PPP2R2B: variants seen among roughly 807,000 people sequenced by gnomAD.
PPP2R2B encodes protein phosphatase 2 regulatory subunit Bbeta.
In PPP2R2B, 5 loss-of-function variants were observed where a neutral mutation model predicts 46.0. The ratio of observed to expected loss-of-function variants is 0.11; its 90% CI spans 0.06 to 0.23. The LOEUF is 0.23. Ranked by LOEUF, PPP2R2B falls within the 10% of genes least tolerant of loss-of-function variation. The probability of loss-of-function intolerance (pLI) is 1.00; values close to 1 mark genes in which losing one functional copy is unlikely to be tolerated. For synonymous variants in PPP2R2B, 215 were observed against 206.7 expected (o/e 1.04, Z -0.34); for missense variants, 367 against 575.0 (o/e 0.64, Z 3.70).
At chr5:146,632,100 C>T (rs1486809222) in intron 7 of PPP2R2B, among the ~76,000 whole-genome samples, 2 of 129,870 alleles carry the variant, frequency 1.5e-5, no homozygotes, top group Non-Finnish European at 3.2e-5. Flanking sequence ...AGTCCTAACT[C>T]CCAGTACTGC....
chr5:147,041,801 C>T (rs1193229380), intron 1 of PPP2R2B, among the ~76,000 whole-genome samples: 1 of 152,000 alleles, frequency 6.6e-6, no homozygotes, highest in Non-Finnish European at 1.5e-5. Flanking sequence ...TGTCTAACAC[C>T]TCAGTGACAA....
intron 2 of PPP2R2B, among the ~76,000 whole-genome samples, chr5:146,772,983 A>G (rs1408493006): frequency 6.6e-6 from 1 of 152,246 alleles, no homozygotes; most frequent in East Asian, 1.9e-4. Flanking sequence ...GATGTCAAAT[A>G]GCACTCAATA....
intron 2 of PPP2R2B, among the ~76,000 whole-genome samples, chr5:146,732,013 T>A (rs1223808804): frequency 6.6e-6 from 1 of 152,184 alleles, no homozygotes; most frequent in Non-Finnish European, 1.5e-5. Context: ...TTTTCCCGTT[T>A]ACGGTTTAAA....
chr5:146,879,158 G>T, upstream of PPP2R2B: 1 of 155,794 alleles, frequency 6.4e-6, no homozygotes, highest in Non-Finnish European at 1.4e-5. Flanking sequence ...TGGTCCCTTG[G>T]TGAATTTAAA....
chr5:146,795,690 A>G (rs1267502174), intron 2 of PPP2R2B, among the ~76,000 whole-genome samples: 1 of 152,124 alleles, frequency 6.6e-6, no homozygotes, highest in Admixed American at 6.5e-5. Flanking sequence ...CACAAAACAT[A>G]AGCATGTGAG....
At chr5:146,996,921 T>G (rs1347513692) in intron 1 of PPP2R2B, among the ~76,000 whole-genome samples, 1 of 152,174 alleles carries the variant, frequency 6.6e-6, no homozygotes, top group Non-Finnish European at 1.5e-5. Flanking sequence ...CCTGCCCTAC[T>G]TGGTCAATGC....
At chr5:146,945,253 A>G (rs1764444348) in intron 1 of PPP2R2B, among the ~76,000 whole-genome samples, 1 of 152,242 alleles carries the variant, frequency 6.6e-6, no homozygotes, top group Non-Finnish European at 1.5e-5. Flanking sequence ...TATGTTCTTC[A>G]GGTTCCTTCC....
chr5:147,071,193 G>A (rs900064097), intron 2 of PPP2R2B, among the ~76,000 whole-genome samples: 1 of 152,120 alleles, frequency 6.6e-6, no homozygotes, highest in African/African-American at 2.4e-5. Flanking sequence ...ACATTCCAAG[G>A]ACAGCAAGGC....
intron 2 of PPP2R2B, among the ~76,000 whole-genome samples, chr5:146,835,619 G>A (rs1759233146): frequency 6.6e-6 from 1 of 152,150 alleles, no homozygotes; most frequent in Non-Finnish European, 1.5e-5. Context: ...AGCTCTCACA[G>A]TCTACTGATG....
chr5:146,650,468 C>A (rs1239040760), intron 6 of PPP2R2B, 79 bp downstream of exon 6: 2 of 1,355,452 alleles, frequency 1.5e-6, no homozygotes, highest in Admixed American at 2.1e-5. Context: ...CATTTCTATT[C>A]CATATTTTCT....
intron 2 of PPP2R2B, among the ~76,000 whole-genome samples, chr5:146,789,212 A>G (rs1480698758): frequency 6.6e-6 from 1 of 152,154 alleles, no homozygotes; most frequent in Non-Finnish European, 1.5e-5. Flanking sequence ...TTCTGAGTGA[A>G]TATGTGGGTG....
At chr5:146,706,830 C>A in intron 2 of PPP2R2B, 1 of 968,588 alleles carries the variant, frequency 1.0e-6, no homozygotes. Context: ...TGTACCTTGA[C>A]CTCAGCGATG....
chr5:146,862,646 G>A (rs1761070523), intron 2 of PPP2R2B, among the ~76,000 whole-genome samples: 1 of 152,132 alleles, frequency 6.6e-6, no homozygotes, highest in South Asian at 2.1e-4. Flanking sequence ...TCAATGCTTT[G>A]AAGATCAATT....
intron 2 of PPP2R2B, among the ~76,000 whole-genome samples, chr5:146,813,323 G>T (rs139612769): frequency 6.6e-6 from 1 of 151,830 alleles, no homozygotes; most frequent in East Asian, 1.9e-4. Flanking sequence ...TACATTATTT[G>T]GATGCATATT....
At chr5:146,989,018 C>A (rs1330351154) in intron 1 of PPP2R2B, among the ~76,000 whole-genome samples, 1 of 151,856 alleles carries the variant, frequency 6.6e-6, no homozygotes, top group Non-Finnish European at 1.5e-5. Flanking sequence ...GTAATAAATT[C>A]ATGGACATGT....
chr5:147,070,241 C>T (rs140546296), intron 2 of PPP2R2B, among the ~76,000 whole-genome samples: 1,550 of 152,188 alleles, frequency 0.01, 16 homozygotes, highest in Admixed American at 0.015. Flanking sequence ...TTTTCAACAC[C>T]TACTGCCCAT....
At chr5:146,996,361 G>C (rs961036418) in intron 1 of PPP2R2B, among the ~76,000 whole-genome samples, 2 of 152,146 alleles carry the variant, frequency 1.3e-5, no homozygotes, top group East Asian at 3.9e-4. Flanking sequence ...GGTATAATTA[G>C]ATAATTAGGT....
At position 147,081,106 on chromosome 5, in the gene PPP2R2B, C is replaced by CATA. The variant is rs1561618883; in HGVS notation, c.-1_2dup (p.Asn1_?0). Reference sequence around the variant, plus strand: ...AGTGCCTTTCACTTGGCTGAAGCACCATAGTGTGTCCTGGGTGAGTGTCCC... The same window carrying CATA: ...AGTGCCTTTCACTTGGCTGAAGCACCATAATAGTGTGTCCTGGGTGAGTGTCCC... On this transcript the variant is annotated start_lost and start_retained_variant, in exon 2 of 11. Coordinates refer to the PPP2R2B transcript ENST00000394413. 6.5e-6 allele frequency: 10 copies of CATA among 1,535,428 alleles called. No homozygotes were observed. The Admixed American group carries it at 2.0e-4, about 30-fold the overall frequency.
Position 146,581,551 on chromosome 5 carries a change from A to G in PPP2R2B, c.*8396T>C, listed in dbSNP as rs1769895422. 1 of 152,242 alleles carries G rather than the reference A, an allele frequency of 6.6e-6. No homozygotes were observed. Among genetic ancestry groups the G allele is most frequent in the South Asian group, 2.1e-4 (1 of 4,836 alleles). 9.4% of individuals were successfully genotyped at this position (152,242 alleles called of 1,614,324 possible). The stretch of plus-strand genomic sequence containing the variant: ...AATTAACCTTTCTGCCTTTTCAAAA[A>G]TAATATGAAAAATAAGAACTGTTGT... On this transcript the variant is annotated 3_prime_UTR_variant, in exon 10 of 10. Transcript: ENST00000394411.
Sources: allele counts gnomAD v4.1 joint callset (sites outside exome capture counted in the v4.1 genomes callset), GRCh38; gene constraint gnomAD v4.1.1; transcripts MANE v1.5; gene names NCBI Gene and HGNC (gene_info 2026-07-23, HGNC 2026-07-21).